TUSC3: variants seen among roughly 807,000 people sequenced by gnomAD.
The protein encoded by TUSC3 is dolichyl-diphosphooligosaccharide--protein glycosyltransferase subunit TUSC3.
Under a neutral mutation model 44.8 loss-of-function variants are expected in TUSC3, and 45 were observed. That is an observed-to-expected ratio of 1.00 (90% CI 0.79 to 1.29). TUSC3 has a LOEUF of 1.29. Ranked by LOEUF, TUSC3 falls within the 50% of genes most tolerant of loss-of-function variation. TUSC3 has a pLI of 0.00. For missense variants in TUSC3, 519 were observed against 437.9 expected (o/e 1.19, Z -1.65); for synonymous variants, 212 against 152.9 (o/e 1.39, Z -2.85).
the TUSC3 span, among the ~76,000 whole-genome samples, chr8:15,786,650 A>G: frequency 6.6e-6 from 1 of 152,106 alleles, no homozygotes; most frequent in Non-Finnish European, 1.5e-5. Flanking sequence ...CTCATTAAAG[A>G]TAGACTAGGG....
chr8:15,438,779 C>A (rs1276779054), intron 1 of TUSC3, among the ~76,000 whole-genome samples: 1 of 152,164 alleles, frequency 6.6e-6, no homozygotes, highest in Non-Finnish European at 1.5e-5. Flanking sequence ...GGGTAAATTT[C>A]TCCTGACAAT....
intron 1 of TUSC3, among the ~76,000 whole-genome samples, chr8:15,555,104 A>G (rs1414393957): frequency 7.0e-6 from 1 of 143,686 alleles, no homozygotes; most frequent in Non-Finnish European, 1.5e-5. Flanking sequence ...TTTCTCCTTG[A>G]TTAGGTACGT....
At chr8:15,526,842 G>A (rs2129130271) in intron 2 of TUSC3, among the ~76,000 whole-genome samples, 1 of 152,220 alleles carries the variant, frequency 6.6e-6, no homozygotes, top group South Asian at 2.1e-4. Flanking sequence ...GACTAGGGGT[G>A]GCTTTCAGAA....
the TUSC3 span, among the ~76,000 whole-genome samples, chr8:15,779,514 C>T: frequency 2.0e-5 from 3 of 152,178 alleles, no homozygotes; most frequent in African/African-American, 4.8e-5. Flanking sequence ...GTCTAAACGT[C>T]GTCACACTGC....
At chr8:15,779,133 G>C in the TUSC3 span, among the ~76,000 whole-genome samples, 4 of 133,862 alleles carry the variant, frequency 3.0e-5, no homozygotes, top group East Asian at 6.6e-4. Flanking sequence ...GTTACTTCTA[G>C]TAAAAGAGTA....
At chr8:15,653,146 G>A (rs1806992065) in intron 3 of TUSC3, among the ~76,000 whole-genome samples, 1 of 152,106 alleles carries the variant, frequency 6.6e-6, no homozygotes, top group Non-Finnish European at 1.5e-5. Context: ...AGAACACCAT[G>A]CATCTGATCC....
At position 15,617,706 on chromosome 8, in the gene TUSC3, C is replaced by T. The variant is rs144096216; in HGVS notation, c.139-5374C>T. Among the ~76,000 whole-genome samples the T allele has an allele frequency of 2.7e-3, 409 of 152,234 alleles. 2 individuals are homozygous for T. The highest frequency in any genetic ancestry group is 9.5e-3 in the African/African-American group (393 of 41,552). ...TTTTCTCTTTGGCTTTAAGAATATCCAGTCAAATACTGTTTTCCAAAGTTA... is the reference window on the plus strand; with the variant it reads ...TTTTCTCTTTGGCTTTAAGAATATCTAGTCAAATACTGTTTTCCAAAGTTA... On this transcript the variant is annotated intron_variant, in intron 1 of 10. Transcript: ENST00000503731.
intron 1 of TUSC3, among the ~76,000 whole-genome samples, chr8:15,582,401 T>G (rs996550050): frequency 6.6e-6 from 1 of 152,344 alleles, no homozygotes; most frequent in South Asian, 2.1e-4. Context: ...ATGAATTTGT[T>G]TTTTACTGTT....
chr8:15,445,362 G>C (rs188480958), intron 1 of TUSC3, among the ~76,000 whole-genome samples: 1 of 151,650 alleles, frequency 6.6e-6, no homozygotes, highest in Non-Finnish European at 1.5e-5. Flanking sequence ...GTGTTTCTCA[G>C]AGAGGGGGAT....
chr8:15,540,609 G>A (rs760103546), intron 1 of TUSC3, 41 bp downstream of exon 1: 1 of 1,496,466 alleles, frequency 6.7e-7, no homozygotes, highest in Non-Finnish European at 9.0e-7. Flanking sequence ...GGGCGGGGGC[G>A]GGCCAGGGTG....
At chr8:15,427,341 C>T (rs928952857) in intron 1 of TUSC3, among the ~76,000 whole-genome samples, 1 of 151,514 alleles carries the variant, frequency 6.6e-6, no homozygotes, top group African/African-American at 2.4e-5. Context: ...GAGTGTCAGG[C>T]AGCCATCAGG....
chr8:15,691,843 A>ATCTTGGC (rs1808914647), intron 6 of TUSC3, among the ~76,000 whole-genome samples: 1 of 151,850 alleles, frequency 6.6e-6, no homozygotes, highest in African/African-American at 2.4e-5. Context: ...TAGTGGTGTA[A>ATCTTGGC]TCTTGGCTCT....
At chr8:15,779,599 T>A in the TUSC3 span, among the ~76,000 whole-genome samples, 1 of 152,226 alleles carries the variant, frequency 6.6e-6, no homozygotes, top group Admixed American at 6.5e-5. Context: ...AATATGTTCT[T>A]ACAATTTACA....
intron 9 of TUSC3, among the ~76,000 whole-genome samples, chr8:15,754,341 A>G (rs1042777706): frequency 1.3e-5 from 2 of 152,006 alleles, no homozygotes; most frequent in African/African-American, 4.8e-5. Flanking sequence ...AAATAAATAC[A>G]TTGAAGTAGG....
At chr8:15,521,085 G>A (rs1801291277) in intron 2 of TUSC3, among the ~76,000 whole-genome samples, 1 of 152,178 alleles carries the variant, frequency 6.6e-6, no homozygotes, top group Non-Finnish European at 1.5e-5. Flanking sequence ...CTTACATACA[G>A]GGCATTCCTG....
chr8:15,501,141 A>C (rs1304294814), intron 2 of TUSC3, among the ~76,000 whole-genome samples: 2 of 151,894 alleles, frequency 1.3e-5, no homozygotes, highest in African/African-American at 4.8e-5. Flanking sequence ...GTATTTCTAC[A>C]CTCCTTCATC....
intron 7 of TUSC3, among the ~76,000 whole-genome samples, chr8:15,731,251 G>A (rs957214441): frequency 1.3e-5 from 2 of 152,148 alleles, no homozygotes; most frequent in African/African-American, 4.8e-5. Flanking sequence ...GATGAAGAAT[G>A]TAACAGGATA....
chr8:15,434,530 C>CTTTTTTTTTTTT (rs59579003), intron 1 of TUSC3, among the ~76,000 whole-genome samples: 3 of 135,680 alleles, frequency 2.2e-5, no homozygotes, highest in Non-Finnish European at 3.2e-5. Context: ...AAAGCCATTC[C>CTTTTTTTTTTTT]TTTTTTTTTT....
intron 1 of TUSC3, among the ~76,000 whole-genome samples, chr8:15,419,292 C>G (rs1473558401): frequency 6.6e-6 from 1 of 152,130 alleles, no homozygotes; most frequent in Non-Finnish European, 1.5e-5. Flanking sequence ...GAGAGAAAAA[C>G]AGGTGACAGG....
Sources: allele counts gnomAD v4.1 joint callset (sites outside exome capture counted in the v4.1 genomes callset), GRCh38; gene constraint gnomAD v4.1.1; transcripts MANE v1.5; gene names NCBI Gene and HGNC (gene_info 2026-07-23, HGNC 2026-07-21).